The following RALGAPB variants were observed in gnomAD, a reference collection of about 807,000 sequenced individuals.
RALGAPB encodes the protein ral GTPase-activating protein subunit beta.
A neutral mutation model predicts 161.1 loss-of-function variants in RALGAPB; 25 were observed. The observed-to-expected ratio is 0.16, with a 90% CI of 0.11 to 0.22. RALGAPB has a LOEUF of 0.22. RALGAPB is among the 10% of genes least tolerant of loss of function. The probability of loss-of-function intolerance (pLI) is 1.00; values close to 1 mark genes in which losing one functional copy is unlikely to be tolerated. For missense variants in RALGAPB, 1,391 were observed against 1,815.2 expected, an observed-to-expected ratio of 0.77 and a Z score of 4.25; for synonymous variants, 629 against 626.1, an observed-to-expected ratio of 1.00 and a Z score of -0.07.
chr20:38,506,258 A>G (rs2085760536), intron 5 of RALGAPB, among the ~76,000 whole-genome samples: 1 of 151,764 alleles, frequency 6.6e-6, no homozygotes, highest in South Asian at 2.1e-4. Flanking sequence ...AATCCCCTAT[A>G]ATTCTGAAGG....
At chr20:38,551,870 G>A (rs1028252780) in intron 21 of RALGAPB, among the ~76,000 whole-genome samples, 12 of 152,138 alleles carry the variant, frequency 7.9e-5, no homozygotes, top group African/African-American at 2.7e-4. Context: ...GAACAGAAGA[G>A]CAGGAATGGA....
chr20:38,495,573 G>T (rs1489335532), intron 3 of RALGAPB, among the ~76,000 whole-genome samples: 1 of 152,076 alleles, frequency 6.6e-6, no homozygotes, highest in African/African-American at 2.4e-5. Context: ...TAGATAGTAG[G>T]CCAGATTTGT....
At chr20:38,512,271 C>G (rs2085984107) in intron 6 of RALGAPB, among the ~76,000 whole-genome samples, 1 of 152,174 alleles carries the variant, frequency 6.6e-6, no homozygotes, top group Non-Finnish European at 1.5e-5. Context: ...GAGATATGGG[C>G]ACATATCTGC....
intron 28 of RALGAPB, among the ~76,000 whole-genome samples, chr20:38,573,108 CA>C (rs1401279897): frequency 4.7e-5 from 7 of 148,984 alleles, no homozygotes; most frequent in Admixed American, 2.0e-4. Context: ...AAAAACAAAA[CA>C]AAACTGGGCA....
intron 11 of RALGAPB, 75 bp downstream of exon 11, chr20:38,525,020 C>G (rs887346178): frequency 7.2e-7 from 1 of 1,385,654 alleles, no homozygotes; most frequent in Non-Finnish European, 1.0e-6. Context: ...CCCCAGTTTC[C>G]TAATGTATCC....
chr20:38,569,029 A>G (rs2088121656), intron 26 of RALGAPB: 1 of 152,166 alleles, frequency 6.6e-6, no homozygotes, highest in African/African-American at 2.4e-5. Flanking sequence ...GATGTTTGTC[A>G]CTAGTTTGGG....
At chr20:38,519,297 T>G (rs1160694844) in intron 9 of RALGAPB, among the ~76,000 whole-genome samples, 1 of 152,236 alleles carries the variant, frequency 6.6e-6, no homozygotes, top group African/African-American at 2.4e-5. Flanking sequence ...TGGGTTATTC[T>G]TGTCTTTATG....
At chr20:38,523,516 T>C (rs2086359759) in intron 10 of RALGAPB, among the ~76,000 whole-genome samples, 1 of 152,226 alleles carries the variant, frequency 6.6e-6, no homozygotes, top group African/African-American at 2.4e-5. Context: ...AGTTTAGTTT[T>C]GAATCGATTG....
In RALGAPB at chr20:38,521,684, A is replaced by C; in HGVS notation, c.1605A>C (p.Pro535=). 1 of 1,613,966 alleles carries C rather than the reference A, an allele frequency of 6.2e-7. No individual in the cohort carries two copies. Among genetic ancestry groups the C allele is most frequent in the East Asian group, 2.2e-5 (1 of 44,882 alleles). The part of the protein sequence containing the change: ...CSKKTGEEIL[P]AYLSRFYMLL... ...AGAAGACTGGAGAAGAGATTCTGCC[A>C]GCTTATTTATCCAGGTCTTGGAATT... is the stretch of plus-strand genomic sequence containing the variant. Residue 535 remains proline, a synonymous_variant, in exon 10 of 30, where the codon CCA becomes CCC. Transcript: ENST00000262879.
intron 2 of RALGAPB, among the ~76,000 whole-genome samples, chr20:38,491,748 G>C (rs2085287004): frequency 6.6e-6 from 1 of 152,180 alleles, no homozygotes; most frequent in African/African-American, 2.4e-5. Context: ...CAGAGTTATT[G>C]TGATGGCTAG....
intron 19 of RALGAPB, chr20:38,546,638 G>C: frequency 1.7e-6 from 1 of 579,136 alleles, no homozygotes; most frequent in Non-Finnish European, 3.0e-6. Flanking sequence ...CTCTTGATGT[G>C]CATCTGAACT....
chr20:38,538,121 G>A, intron 16 of RALGAPB: 1 of 161,728 alleles, frequency 6.2e-6, no homozygotes, highest in Non-Finnish European at 1.4e-5. Flanking sequence ...GTGTGCTGTG[G>A]TTCATTATGG....
chr20:38,573,311 T>G (rs2088309194), intron 28 of RALGAPB, among the ~76,000 whole-genome samples: 1 of 151,784 alleles, frequency 6.6e-6, no homozygotes, highest in Non-Finnish European at 1.5e-5. Context: ...AAGGATTGAT[T>G]TTTCTTTTTT....
chr20:38,539,053 A>G (rs1346059786), intron 16 of RALGAPB, among the ~76,000 whole-genome samples: 6 of 152,272 alleles, frequency 3.9e-5, no homozygotes, highest in African/African-American at 1.4e-4. Context: ...CTATTCAGCA[A>G]TAGAAATGAA....
chr20:38,507,997 A>G (rs1279474486), intron 5 of RALGAPB, among the ~76,000 whole-genome samples: 1 of 151,888 alleles, frequency 6.6e-6, no homozygotes, highest in Non-Finnish European at 1.5e-5. Flanking sequence ...TTGTTGAGTT[A>G]TTTTTATGGT....
Position 38,545,895 on chromosome 20 carries a change from CTAAGATATCAGATA to C in RALGAPB, c.2715-347_2715-334del, listed in dbSNP as rs1174020779. On this transcript the variant is annotated intron_variant, in intron 18 of 29. Transcript: ENST00000262879. ...AGCTTGCTGTGTTCCATGCAAGATT[CTAAGATATCAGATA>C]GGTTGCTGGTAAGGGAGTAGGTCAC... Among the ~76,000 whole-genome samples the C allele has an allele frequency of 5.3e-5, 8 of 152,238 alleles. No homozygotes were observed. In the East Asian group the frequency reaches 1.5e-3, roughly 29 times the overall value.
chr20:38,483,762 T>C (rs182127741), intron 1 of RALGAPB, among the ~76,000 whole-genome samples: 1 of 152,048 alleles, frequency 6.6e-6, no homozygotes, highest in East Asian at 1.9e-4. Flanking sequence ...TCCTGAGAGG[T>C]TGATTCTTGC....
chr20:38,528,853 G>A (rs150472821), intron 13 of RALGAPB, among the ~76,000 whole-genome samples: 4,164 of 152,098 alleles, frequency 0.027, 189 homozygotes, highest in African/African-American at 0.096. Context: ...GCTAATTTTT[G>A]TATTTTTTAG....
chr20:38,548,307 A>G (rs1332756675), intron 19 of RALGAPB, among the ~76,000 whole-genome samples: 1 of 152,180 alleles, frequency 6.6e-6, no homozygotes, highest in Non-Finnish European at 1.5e-5. Context: ...CAACATTGGG[A>G]GGTTAAGAGT....
Sources: allele counts gnomAD v4.1 joint callset (sites outside exome capture counted in the v4.1 genomes callset), GRCh38; gene constraint gnomAD v4.1.1; transcripts MANE v1.5; gene names NCBI Gene and HGNC (gene_info 2026-07-23, HGNC 2026-07-21).